The following LYRM1 variants were observed in gnomAD, a reference collection of about 807,000 sequenced individuals.
The protein encoded by LYRM1 is LYR motif containing 1, also known as LYR motif-containing protein 1.
In LYRM1, 14 loss-of-function variants were observed where a neutral mutation model predicts 14.9. The ratio of observed to expected loss-of-function variants is 0.94; its 90% confidence interval spans 0.62 to 1.47. LYRM1 has a LOEUF of 1.47. Among genes scored for constraint, LYRM1 ranks in the 40% most tolerant of loss-of-function variants. LYRM1 has a pLI of 0.00. For missense variants in LYRM1, 153 were observed against 149.9 expected, an observed-to-expected ratio of 1.02 and a Z score of -0.11; for synonymous variants, 43 against 56.2, an observed-to-expected ratio of 0.77 and a Z score of 1.05.
At chr16:20,909,307 G>A (rs2082470282) in intron 1 of LYRM1, among the ~76,000 whole-genome samples, 1 of 152,148 alleles carries the variant, frequency 6.6e-6, no homozygotes, top group African/African-American at 2.4e-5. Context: ...TTCTTTCCAG[G>A]CACACCTCAT....
intron 1 of LYRM1, among the ~76,000 whole-genome samples, chr16:20,908,737 T>C (rs375819081): frequency 6.6e-6 from 1 of 152,174 alleles, no homozygotes; most frequent in Non-Finnish European, 1.5e-5. Flanking sequence ...CTGGCCATGA[T>C]AGAAGCAAGG....
At chr16:20,905,318 C>G (rs1318260341) in intron 1 of LYRM1, among the ~76,000 whole-genome samples, 4 of 152,128 alleles carry the variant, frequency 2.6e-5, no homozygotes, top group Non-Finnish European at 4.4e-5. Flanking sequence ...TCTAAGAAAC[C>G]AAGTCTCAGG....
At chr16:20,906,497 C>A (rs1040071732) in intron 1 of LYRM1, among the ~76,000 whole-genome samples, 1 of 152,186 alleles carries the variant, frequency 6.6e-6, no homozygotes, top group Non-Finnish European at 1.5e-5. Flanking sequence ...AGGGGTAGGT[C>A]TTTCCTGAAA....
intron 3 of LYRM1, among the ~76,000 whole-genome samples, chr16:20,922,642 A>G (rs919590084): frequency 6.6e-6 from 1 of 152,016 alleles, no homozygotes; most frequent in South Asian, 2.1e-4. Flanking sequence ...GGCCCCCGCC[A>G]CCATGCCAGC....
At chr16:20,923,923 T>C (rs2152560653) in intron 3 of LYRM1, 77 bp from the exon 4 acceptor site, 1 of 782,590 alleles carries the variant, frequency 1.3e-6, no homozygotes, top group Non-Finnish European at 2.2e-6. Flanking sequence ...TATGGTACTT[T>C]CTGAGTAGAT....
rs2083119307 is a variant in LYRM1, at chr16:20,920,231, T to TTAACAAGTGCTGGG, written c.252+20_252+33dup. 6.4e-7 allele frequency: 1 copy of TTAACAAGTGCTGGG among 1,563,594 alleles called. No homozygotes were observed. The highest frequency in any genetic ancestry group is 8.8e-7 in the Non-Finnish European group (1 of 1,133,946). ...CCAAGGCCAGTAAGTGTGACTCCGG[T>TTAACAAGTGCTGGG]TAACAAGTGCTGGGTACTTACCCTC... On this transcript the variant is annotated intron_variant, in intron 3 of 3. Transcript: ENST00000567954.
chr16:20,914,455 A>ATTTTTT (rs35172104), intron 1 of LYRM1, among the ~76,000 whole-genome samples: 2 of 132,226 alleles, frequency 1.5e-5, no homozygotes, highest in African/African-American at 2.8e-5. Context: ...CACCTGGCTA[A>ATTTTTT]TTTTTTTTTT....
At chr16:20,920,060 C>T in intron 2 of LYRM1, 62 bp from the exon 3 acceptor site, 1 of 1,136,356 alleles carries the variant, frequency 8.8e-7, no homozygotes, top group South Asian at 1.5e-5. Context: ...AAAATGTATA[C>T]CTATACTCTA....
At chr16:20,919,223 A>G (rs2083061894) in intron 2 of LYRM1, among the ~76,000 whole-genome samples, 3 of 152,178 alleles carry the variant, frequency 2.0e-5, no homozygotes, top group Non-Finnish European at 4.4e-5. Flanking sequence ...TAATGAGCCA[A>G]GGCAGTTGAC....
chr16:20,910,106 T>C (rs935207340), intron 1 of LYRM1, among the ~76,000 whole-genome samples: 2 of 152,060 alleles, frequency 1.3e-5, no homozygotes, highest in Non-Finnish European at 1.5e-5. Context: ...GTTGGTCAGG[T>C]AAAAGGGAGG....
intron 3 of LYRM1, 126 bp from the exon 4 acceptor site, chr16:20,923,870 TAAAG>T (rs1377732081): frequency 1.8e-6 from 1 of 564,434 alleles, no homozygotes; most frequent in African/African-American, 1.9e-5. Context: ...TTAACTTGTG[TAAAG>T]ATTAATGAAT....
chr16:20,917,807 A>T (rs1335837785), intron 2 of LYRM1, among the ~76,000 whole-genome samples: 1 of 152,092 alleles, frequency 6.6e-6, no homozygotes, highest in African/African-American at 2.4e-5. Flanking sequence ...GAGATCCCTA[A>T]ATAGTTGTTT....
intron 1 of LYRM1, among the ~76,000 whole-genome samples, chr16:20,913,317 GT>G (rs5816141): frequency 0.56 from 68,601 of 123,018 alleles, 17,761 homozygotes; most frequent in Non-Finnish European, 0.66. Flanking sequence ...TCTTTTCTTT[GT>G]TTTTTTTTTT....
intron 3 of LYRM1, among the ~76,000 whole-genome samples, chr16:20,923,658 CT>C (rs746827153): frequency 6.6e-6 from 1 of 152,136 alleles, no homozygotes; most frequent in African/African-American, 2.4e-5. Context: ...TCTCAACTTG[CT>C]ATGTGATCCA....
chr16:20,913,309 TTTTC>T, intron 1 of LYRM1, among the ~76,000 whole-genome samples: 3 of 129,996 alleles, frequency 2.3e-5, no homozygotes, highest in Middle Eastern at 4.3e-3. Context: ...TCTCAGTATC[TTTTC>T]TTTGTTTTTT....
At chr16:20,910,172 G>A (rs1471389647) in intron 1 of LYRM1, among the ~76,000 whole-genome samples, 1 of 152,146 alleles carries the variant, frequency 6.6e-6, no homozygotes, top group East Asian at 1.9e-4. Context: ...TGCCCCTAAG[G>A]CAAGAAAGAA....
At chr16:20,900,308 CCCG>C (rs1040581040), upstream of LYRM1, 4 of 152,086 alleles carry the variant, frequency 2.6e-5, no homozygotes, top group African/African-American at 4.8e-5. Flanking sequence ...GCTCCCTACC[CCCG>C]CCGCCGCCGC....
intron 2 of LYRM1, among the ~76,000 whole-genome samples, chr16:20,915,934 TGG>T: frequency 6.6e-6 from 1 of 152,110 alleles, no homozygotes; most frequent in Non-Finnish European, 1.5e-5. Flanking sequence ...AGCCAGTAAG[TGG>T]CTCAGTGTCC....
At chr16:20,920,245 G>A (rs776570990) in intron 3 of LYRM1, 31 bp downstream of exon 3, 4 of 1,473,940 alleles carry the variant, frequency 2.7e-6, no homozygotes, top group Non-Finnish European at 1.9e-6. Context: ...CAAGTGCTGG[G>A]TACTTACCCT....
Sources: gnomAD v4.1 joint callset for allele counts (sites outside exome capture counted in the v4.1 genomes callset) on GRCh38, gnomAD v4.1.1 for gene constraint, MANE v1.5 for transcripts, NCBI Gene and HGNC (gene_info 2026-07-23, HGNC 2026-07-21) for gene names.